Variants in CYP4Z1 observed in about 807,000 individuals in gnomAD.
The protein encoded by CYP4Z1 is cytochrome P450 family 4 subfamily Z member 1.
CYP4Z1 carries 41 observed loss-of-function variants against 54.2 expected under a neutral mutation model. That is an observed-to-expected ratio of 0.76 (90% CI 0.59 to 0.98). CYP4Z1 has a LOEUF of 0.98. CYP4Z1 is among the 50% of genes least tolerant of loss of function. The pLI is 0.00. For synonymous variants in CYP4Z1, 163 were observed against 206.2 expected (o/e 0.79, Z 1.79); for missense variants, 513 against 599.0 (o/e 0.86, Z 1.50).
At chr1:47,115,070 G>C (rs1644820222) in intron 9 of CYP4Z1, among the ~76,000 whole-genome samples, 1 of 152,142 alleles carries the variant, frequency 6.6e-6, no homozygotes, top group African/African-American at 2.4e-5. Flanking sequence ...TGATAGACTG[G>C]ATTAAGAAAA....
intron 6 of CYP4Z1, among the ~76,000 whole-genome samples, chr1:47,085,880 T>G (rs1182504430): frequency 7.7e-6 from 1 of 129,886 alleles, no homozygotes; most frequent in East Asian, 2.5e-4. Flanking sequence ...TGTGTGATGT[T>G]CCCCTTCCTG....
chr1:47,056,679 CT>C, the CYP4Z1 span, among the ~76,000 whole-genome samples: 1 of 152,094 alleles, frequency 6.6e-6, no homozygotes, highest in Non-Finnish European at 1.5e-5. Flanking sequence ...ATGTAATGGC[CT>C]TCTTTGTCTC....
At chr1:47,099,062 C>G (rs763027672) in intron 7 of CYP4Z1, 32 bp from the exon 8 acceptor site, 17 of 1,611,440 alleles carry the variant, frequency 1.1e-5, no homozygotes, top group Admixed American at 1.7e-5. Context: ...CCATAGCCAG[C>G]TTTGGATAAA....
chr1:47,089,213 A>G (rs1450316504), intron 6 of CYP4Z1, among the ~76,000 whole-genome samples: 3 of 152,172 alleles, frequency 2.0e-5, no homozygotes, highest in Non-Finnish European at 2.9e-5. Context: ...AGAATCTAAC[A>G]TATGTAATTA....
chr1:47,093,768 G>T (rs1025321829), intron 6 of CYP4Z1, among the ~76,000 whole-genome samples: 3 of 152,206 alleles, frequency 2.0e-5, no homozygotes, highest in Non-Finnish European at 2.9e-5. Context: ...GTTCACAGAA[G>T]TAGCTTAGAG....
chr1:47,114,382 T>A (rs573168746), intron 9 of CYP4Z1, among the ~76,000 whole-genome samples: 1 of 152,144 alleles, frequency 6.6e-6, no homozygotes, highest in Non-Finnish European at 1.5e-5. Flanking sequence ...GACATAGGCA[T>A]GGGCAAGGAC....
chr1:47,059,147 TAATC>T, the CYP4Z1 span, among the ~76,000 whole-genome samples: 3 of 152,156 alleles, frequency 2.0e-5, no homozygotes, highest in Non-Finnish European at 2.9e-5. Flanking sequence ...AAGAACAAAG[TAATC>T]AAAGATACTA....
Position 47,082,294 on chromosome 1 carries a change from T to G in CYP4Z1, c.365-40T>G, listed in dbSNP as rs369935114. 36 of 1,565,812 alleles carry G rather than the reference T, an allele frequency of 2.3e-5. No individual in the cohort carries two copies. The African/African-American group carries it at 4.8e-4, about 21-fold the overall frequency. ...CGTGCCTAGTCTTTCTTCACTTACC[T>G]GGCCTCTGATAGAAACAGTTGCCCC... On this transcript the variant is annotated intron_variant, in intron 3 of 11. Transcript: ENST00000334194.
Position 47,106,188 on chromosome 1 carries a change from C to T in CYP4Z1, c.1128C>T (p.Tyr376=), listed in dbSNP as rs142306823. Residue 376 remains tyrosine, a synonymous_variant, in exon 9 of 12, where the codon TAC becomes TAT. Transcript: ENST00000334194. ...GCATCAAGGAATGCCTCCGCCTCTACGCACCGGTAGTAAACATATCCCGGT... is the reference window on the plus strand; with the variant it reads ...GCATCAAGGAATGCCTCCGCCTCTATGCACCGGTAGTAAACATATCCCGGT... ...TMCIKECLRL[Y]APVVNISRLL... 8.1e-5 allele frequency: 131 copies of T among 1,614,092 alleles called. No individual in the cohort carries two copies. In the African/African-American group the frequency reaches 1.3e-3, roughly 16 times the overall value.
Position 47,067,619 on chromosome 1 carries a change from G to A in CYP4Z1, c.129G>A (p.Leu43=), listed in dbSNP as rs1478036976. 176 of 1,612,648 alleles carry A rather than the reference G, an allele frequency of 1.1e-4. No individual in the cohort carries two copies. The highest frequency in any genetic ancestry group is 1.5e-4 in the Non-Finnish European group (174 of 1,179,276). ...GGAGGAGATGGATGATCAGAGCCCT[G>A]CACCTGTTTCCTGCACCCCCTGCCC... is the stretch of plus-strand genomic sequence containing the variant. ...YQRRRWMIRA[L]HLFPAPPAHW... is the part of the protein sequence containing the mutation. The change falls in exon 1 of 12, where the codon CTG becomes CTA. Residue 43 remains leucine, a synonymous_variant. Coordinates refer to ENST00000334194, the MANE Select transcript of CYP4Z1 (RefSeq NM_178134.3).
At chr1:47,098,140 TC>T (rs1253721437) in intron 7 of CYP4Z1, among the ~76,000 whole-genome samples, 1 of 152,206 alleles carries the variant, frequency 6.6e-6, no homozygotes, top group Non-Finnish European at 1.5e-5. Context: ...AAAAGTTTTT[TC>T]TAATTCTATG....
rs1173016574 is a variant in CYP4Z1, at chr1:47,082,439, CT to C, written c.471del (p.Glu158ArgfsTer5). The C allele has an allele frequency of 6.2e-7, 1 of 1,613,232 alleles. No individual in the cohort carries two copies. The highest frequency in any genetic ancestry group is 1.3e-5 in the African/African-American group (1 of 74,886). On this transcript the variant is annotated frameshift_variant, in exon 4 of 12. Coordinates refer to ENST00000334194, the MANE Select transcript of CYP4Z1 (RefSeq NM_178134.3). LOFTEE classifies it high-confidence loss of function. ...SILKIFITMMSESVRMMLNKW... is the reference protein window; with the variant it reads ...SILKIFITMMXESVRMMLNKW... ...CTGAAAATATTCATCACCATGATGT[CT>C]GAGAGTGTTCGGATGATGCTGGTAA...
chr1:47,083,988 T>C (rs1465220240), intron 4 of CYP4Z1, among the ~76,000 whole-genome samples: 2 of 152,102 alleles, frequency 1.3e-5, no homozygotes, highest in East Asian at 1.9e-4. Flanking sequence ...AGCTTAACAG[T>C]GTATAAATAT....
At chr1:47,112,705 A>C (rs1644802265) in intron 9 of CYP4Z1, among the ~76,000 whole-genome samples, 1 of 124,932 alleles carries the variant, frequency 8.0e-6, no homozygotes, top group South Asian at 3.7e-4. Flanking sequence ...GGATCGCTTG[A>C]GTCTGGGCAA....
intron 8 of CYP4Z1, 144 bp downstream of exon 8, chr1:47,099,428 A>G: frequency 1.4e-6 from 1 of 693,864 alleles, no homozygotes; most frequent in Non-Finnish European, 2.3e-6. Context: ...GTCCTACGTT[A>G]TTTAAAGATT....
intron 8 of CYP4Z1, among the ~76,000 whole-genome samples, chr1:47,100,597 A>G (rs1179466998): frequency 1.3e-5 from 2 of 152,182 alleles, no homozygotes; most frequent in African/African-American, 4.8e-5. Context: ...CTTGTGTTCA[A>G]GTAACTCTTA....
At chr1:47,058,059 A>C in the CYP4Z1 span, among the ~76,000 whole-genome samples, 2 of 152,108 alleles carry the variant, frequency 1.3e-5, no homozygotes, top group Non-Finnish European at 2.9e-5. Flanking sequence ...ATCAAAAAAA[A>C]CTTTACTTGG....
At chr1:47,100,995 G>A (rs1644717385) in intron 8 of CYP4Z1, among the ~76,000 whole-genome samples, 1 of 152,138 alleles carries the variant, frequency 6.6e-6, no homozygotes, top group Admixed American at 6.5e-5. Context: ...TAGGTTGAAC[G>A]TTTCCAGGAA....
At chr1:47,117,704 C>T (rs975281532) in intron 11 of CYP4Z1, 62 bp from the exon 12 acceptor site, 55 of 1,513,446 alleles carry the variant, frequency 3.6e-5, no homozygotes, top group African/African-American at 9.8e-5. Context: ...AAAAGATTGG[C>T]GTATGTTGTT....
Sources: gnomAD v4.1 joint callset for allele counts (sites outside exome capture counted in the v4.1 genomes callset) on GRCh38, gnomAD v4.1.1 for gene constraint, MANE v1.5 for transcripts, NCBI Gene and HGNC (gene_info 2026-07-23, HGNC 2026-07-21) for gene names.